ARFGEF1: variants seen among roughly 807,000 people sequenced by gnomAD.
ARFGEF1 encodes the protein ARF guanine nucleotide exchange factor 1.
In ARFGEF1, 42 loss-of-function variants were observed where a neutral mutation model predicts 231.0. The ratio of observed to expected loss-of-function variants is 0.18; its 90% confidence interval spans 0.14 to 0.24. The LOEUF is 0.24. Among genes scored for constraint, ARFGEF1 ranks in the 10% least tolerant of loss-of-function variants. The probability of loss-of-function intolerance (pLI) is 1.00; values close to 1 mark genes in which losing one functional copy is unlikely to be tolerated. For missense variants in ARFGEF1, 1,345 were observed against 2,192.0 expected (o/e 0.61, Z 7.72); for synonymous variants, 710 against 732.3 (o/e 0.97, Z 0.49).
At chr8:67,189,935 A>G (rs1320304396) in intron 5 of ARFGEF1, among the ~76,000 whole-genome samples, 1 of 152,186 alleles carries the variant, frequency 6.6e-6, no homozygotes, top group East Asian at 1.9e-4. Context: ...GAATGATTAT[A>G]AGCAAAAAGA....
intron 1 of ARFGEF1, among the ~76,000 whole-genome samples, chr8:67,338,921 GA>G (rs1277538869): frequency 6.6e-6 from 1 of 152,146 alleles, no homozygotes; most frequent in Non-Finnish European, 1.5e-5. Flanking sequence ...GAAGAGTGAT[GA>G]AAATTAATAG....
intron 5 of ARFGEF1, among the ~76,000 whole-genome samples, chr8:67,191,580 ATGT>A (rs748095397): frequency 9.8e-5 from 15 of 152,312 alleles, no homozygotes; most frequent in Non-Finnish European, 1.8e-4. Flanking sequence ...AAGGTCATTC[ATGT>A]TGTAGCATGT....
chr8:67,197,445 T>C (rs146131257), downstream of ARFGEF1, among the ~76,000 whole-genome samples: 233 of 152,226 alleles, frequency 1.5e-3, 3 homozygotes, highest in Admixed American at 0.014. Context: ...TGAGATCCGG[T>C]CTCTAAAAGA....
At chr8:67,201,707 C>T (rs1408712142) in intron 36 of ARFGEF1, 102 bp from the exon 37 acceptor site, 3 of 1,482,388 alleles carry the variant, frequency 2.0e-6, no homozygotes, top group Non-Finnish European at 2.8e-6. Context: ...CAGCCATCAG[C>T]ATCTGCTGCT....
At chr8:67,216,033 T>C (rs1838917289) in intron 33 of ARFGEF1, among the ~76,000 whole-genome samples, 1 of 152,246 alleles carries the variant, frequency 6.6e-6, no homozygotes, top group African/African-American at 2.4e-5. Context: ...ATGTCCTATA[T>C]TTAAAAATAA....
chr8:67,209,967 G>A (rs994958924), intron 34 of ARFGEF1, among the ~76,000 whole-genome samples: 9 of 151,886 alleles, frequency 5.9e-5, no homozygotes, highest in Non-Finnish European at 1.2e-4. Context: ...CCTGACTACC[G>A]TGGTGAAACC....
In ARFGEF1 at chr8:67,343,573, CT is replaced by C; in HGVS notation, c.-287del. ...CCCGGGGGTCGCGTCCCGGCCGCCC[CT>C]CTCACTCGTCCCTCCGGCCCTGGTG... is the stretch of plus-strand genomic sequence containing the variant. On this transcript the variant is annotated 5_prime_UTR_variant, in exon 1 of 39. Transcript: ENST00000262215. 1 of 1,115,328 alleles carries C rather than the reference CT, an allele frequency of 9.0e-7. No individual in the cohort carries two copies. Among genetic ancestry groups the C allele is most frequent in the Non-Finnish European group, 1.1e-6 (1 of 912,648 alleles). The allele number at this position is 1,115,328 out of a possible 1,614,324, so 69.1% of individuals were successfully genotyped here. A position where few individuals can be genotyped will look rare whatever the true frequency, so the allele number is the denominator to read the frequency against.
Position 67,343,261 on chromosome 8 carries a change from GTTC to G in ARFGEF1, c.24_26del (p.Lys8del). On this transcript the variant is annotated inframe_deletion, in exon 1 of 39. Coordinates refer to ENST00000262215, the MANE Select transcript of ARFGEF1 (RefSeq NM_006421.5). ...TCTCCAGAGCCCGGGTCAGGAACATGTTCTTCGTCTTCTTCCCCTCATACATGG... is the reference window on the plus strand; with the variant it reads ...TCTCCAGAGCCCGGGTCAGGAACATGTTCGTCTTCTTCCCCTCATACATGG... 6.2e-7 allele frequency: 1 copy of G among 1,613,896 alleles called. No individual in the cohort carries two copies.
intron 1 of ARFGEF1, among the ~76,000 whole-genome samples, chr8:67,306,586 C>A (rs1806757328): frequency 6.6e-6 from 1 of 152,014 alleles, no homozygotes; most frequent in Non-Finnish European, 1.5e-5. Context: ...ATACAACCCG[C>A]AAAATAATAT....
intron 34 of ARFGEF1, among the ~76,000 whole-genome samples, chr8:67,208,763 C>T (rs540386816): frequency 1.3e-5 from 2 of 151,956 alleles, no homozygotes; most frequent in South Asian, 4.2e-4. Flanking sequence ...AATTGGACTT[C>T]ATCAAAATTT....
Position 67,259,805 on chromosome 8 carries a change from G to C in ARFGEF1, c.2235+10C>G, listed in dbSNP as rs758601184. The C allele has an allele frequency of 2.6e-6, 4 of 1,528,344 alleles. No homozygotes were observed. The highest frequency in any genetic ancestry group is 3.6e-6 in the Non-Finnish European group (4 of 1,121,692). The allele number at this position is 1,528,344 out of a possible 1,614,324, so 94.7% of individuals were successfully genotyped here. Reference sequence around the variant, plus strand: ...TACAGAAAAGGTTAGAATGAAAATGGTATTCTTACAGAGTCTAATCTTTCC... The same window carrying C: ...TACAGAAAAGGTTAGAATGAAAATGCTATTCTTACAGAGTCTAATCTTTCC... On this transcript the variant is annotated intron_variant, in intron 15 of 38. Transcript: ENST00000262215.
intron 9 of ARFGEF1, among the ~76,000 whole-genome samples, chr8:67,273,675 T>C (rs1805195768): frequency 6.6e-6 from 1 of 152,156 alleles, no homozygotes; most frequent in Non-Finnish European, 1.5e-5. Context: ...ACAGTCATGT[T>C]TCTAAGATGG....
chr8:67,177,576 T>C (rs1831997995), intron 5 of ARFGEF1: 2 of 710,694 alleles, frequency 2.8e-6, no homozygotes, highest in Non-Finnish European at 4.9e-6. Flanking sequence ...AGTTGAAAAG[T>C]AATTTCCAGT....
intron 33 of ARFGEF1, among the ~76,000 whole-genome samples, chr8:67,213,723 C>T (rs1838828555): frequency 6.6e-6 from 1 of 152,208 alleles, no homozygotes; most frequent in South Asian, 2.1e-4. Flanking sequence ...TGGTCCTTAT[C>T]CAATCAGTTG....
At chr8:67,301,194 A>C in intron 3 of ARFGEF1, 30 bp downstream of exon 3, 1 of 1,541,602 alleles carries the variant, frequency 6.5e-7, no homozygotes, top group South Asian at 1.3e-5. Flanking sequence ...CAAAGTACAC[A>C]GTTTTTAGAA....
chr8:67,183,951 C>G (rs1384277990), intron 5 of ARFGEF1, among the ~76,000 whole-genome samples: 2 of 146,608 alleles, frequency 1.4e-5, no homozygotes, highest in Non-Finnish European at 3.0e-5. Context: ...CTCCCGGGTT[C>G]AAGCGATTCT....
chr8:67,261,508 A>G (rs1804619114), intron 14 of ARFGEF1, among the ~76,000 whole-genome samples: 1 of 152,224 alleles, frequency 6.6e-6, no homozygotes, highest in South Asian at 2.1e-4. Context: ...TTTGAAGCCC[A>G]CTGTTGAGAT....
At chr8:67,331,745 T>C (rs372169557) in intron 1 of ARFGEF1, among the ~76,000 whole-genome samples, 4 of 150,910 alleles carry the variant, frequency 2.7e-5, no homozygotes, top group African/African-American at 9.8e-5. Flanking sequence ...AAAAAAAAAA[T>C]GCAAAGGAAA....
intron 6 of ARFGEF1, among the ~76,000 whole-genome samples, chr8:67,288,379 G>T: frequency 6.7e-6 from 1 of 149,730 alleles, no homozygotes; most frequent in African/African-American, 2.6e-5. Context: ...TTTCTAACAT[G>T]TCCTACAGAT....
Sources: allele counts gnomAD v4.1 joint callset (sites outside exome capture counted in the v4.1 genomes callset), GRCh38; gene constraint gnomAD v4.1.1; transcripts MANE v1.5; gene names NCBI Gene and HGNC (gene_info 2026-07-23, HGNC 2026-07-21).